Variants in IMMP2L observed in about 807,000 individuals in gnomAD.
IMMP2L encodes mitochondrial inner membrane protease subunit 2.
In IMMP2L, 18 loss-of-function variants were observed where a neutral mutation model predicts 19.3. That is an observed-to-expected ratio of 0.93 (90% CI 0.64 to 1.38). IMMP2L has a LOEUF of 1.38. IMMP2L is among the 40% of genes most tolerant of loss of function. The pLI is 0.00. For missense variants in IMMP2L, 233 were observed against 218.2 expected, an observed-to-expected ratio of 1.07 and a Z score of -0.43; for synonymous variants, 76 against 73.0, an observed-to-expected ratio of 1.04 and a Z score of -0.21.
intron 3 of IMMP2L, among the ~76,000 whole-genome samples, chr7:111,024,153 G>A (rs1356615582): frequency 6.6e-6 from 1 of 151,970 alleles, no homozygotes; most frequent in South Asian, 2.1e-4. Flanking sequence ...AAATTCTTGG[G>A]GCAAAATTTT....
chr7:111,254,946 C>G (rs1283013143), intron 3 of IMMP2L, among the ~76,000 whole-genome samples: 5 of 152,082 alleles, frequency 3.3e-5, no homozygotes, highest in African/African-American at 1.2e-4. Context: ...ATGTAACTCT[C>G]AAATGTAATT....
At chr7:111,166,485 G>C (rs1805833857) in intron 3 of IMMP2L, among the ~76,000 whole-genome samples, 1 of 151,940 alleles carries the variant, frequency 6.6e-6, no homozygotes, top group African/African-American at 2.4e-5. Flanking sequence ...AGGAGCACCT[G>C]GGATTTCAGA....
chr7:111,100,056 G>A (rs1027634795), intron 3 of IMMP2L: 23 of 151,642 alleles, frequency 1.5e-4, no homozygotes, highest in African/African-American at 5.1e-4. Context: ...TTCACTCATT[G>A]GAAAGGTCCT....
intron 5 of IMMP2L, among the ~76,000 whole-genome samples, chr7:110,719,896 T>C (rs1360207135): frequency 6.6e-6 from 1 of 152,236 alleles, no homozygotes; most frequent in Admixed American, 6.5e-5. Flanking sequence ...TCTGTACTTC[T>C]AGCCAAAATA....
intron 3 of IMMP2L, among the ~76,000 whole-genome samples, chr7:111,466,528 C>A (rs370100354): frequency 6.6e-6 from 1 of 152,006 alleles, no homozygotes; most frequent in Non-Finnish European, 1.5e-5. Flanking sequence ...ACCTCAGTTA[C>A]GATAACTATA....
At chr7:111,460,239 T>G (rs1181764760) in intron 3 of IMMP2L, among the ~76,000 whole-genome samples, 1 of 152,098 alleles carries the variant, frequency 6.6e-6, no homozygotes, top group African/African-American at 2.4e-5. Flanking sequence ...ACTTGGGCAC[T>G]CGAATTGAGT....
intron 2 of IMMP2L, among the ~76,000 whole-genome samples, chr7:111,518,375 G>C (rs1846050569): frequency 6.6e-6 from 1 of 152,018 alleles, no homozygotes; most frequent in South Asian, 2.1e-4. Flanking sequence ...CCTTTAATGA[G>C]ATTTAATCTT....
At chr7:110,706,627 T>C (rs1249211287) in intron 5 of IMMP2L, among the ~76,000 whole-genome samples, 3 of 152,206 alleles carry the variant, frequency 2.0e-5, no homozygotes, top group Admixed American at 2.0e-4. Flanking sequence ...CATTTTTTCA[T>C]GCTTGTTGGC....
chr7:111,225,415 T>A (rs188946024), intron 3 of IMMP2L, among the ~76,000 whole-genome samples: 38 of 152,134 alleles, frequency 2.5e-4, no homozygotes, highest in African/African-American at 8.7e-4. Context: ...GGAAGATATA[T>A]AACCCAATGA....
At chr7:111,324,008 G>A (rs1314838204) in intron 3 of IMMP2L, among the ~76,000 whole-genome samples, 1 of 151,998 alleles carries the variant, frequency 6.6e-6, no homozygotes, top group East Asian at 1.9e-4. Flanking sequence ...GTGGGAGTGG[G>A]GAGGGATAGC....
intron 5 of IMMP2L, among the ~76,000 whole-genome samples, chr7:110,700,272 A>C (rs1393682245): frequency 2.6e-5 from 4 of 152,132 alleles, no homozygotes; most frequent in Non-Finnish European, 5.9e-5. Flanking sequence ...CCATTGCCCC[A>C]GTGTTGGTTT....
chr7:111,410,710 CAAAG>C, intron 3 of IMMP2L, among the ~76,000 whole-genome samples: 1 of 151,450 alleles, frequency 6.6e-6, no homozygotes, highest in Middle Eastern at 3.4e-3. Flanking sequence ...AACGAGAAGA[CAAAG>C]AGAACATATT....
At chr7:110,664,186 T>G (rs1264612114) in intron 5 of IMMP2L, among the ~76,000 whole-genome samples, 1 of 151,546 alleles carries the variant, frequency 6.6e-6, no homozygotes, top group Non-Finnish European at 1.5e-5. Flanking sequence ...TCCCGCAGAG[T>G]CATTGGTATC....
intron 3 of IMMP2L, among the ~76,000 whole-genome samples, chr7:111,110,328 T>C (rs1164269049): frequency 6.6e-6 from 1 of 152,186 alleles, no homozygotes; most frequent in Non-Finnish European, 1.5e-5. Flanking sequence ...CTAATATTTT[T>C]CAAGTCCATA....
chr7:111,157,817 T>C (rs1323628075), intron 3 of IMMP2L, among the ~76,000 whole-genome samples: 2 of 152,072 alleles, frequency 1.3e-5, no homozygotes, highest in African/African-American at 4.8e-5. Flanking sequence ...TGTATACCCA[T>C]ATCAAACTAT....
At chr7:111,363,645 C>G (rs116122448) in intron 3 of IMMP2L, among the ~76,000 whole-genome samples, 3,030 of 152,128 alleles carry the variant, frequency 0.02, 109 homozygotes, top group African/African-American at 0.069. Context: ...GTCTTTCCCC[C>G]CTTCAATCCA....
intron 3 of IMMP2L, among the ~76,000 whole-genome samples, chr7:111,178,952 T>C (rs1807390637): frequency 6.6e-6 from 1 of 152,010 alleles, no homozygotes; most frequent in African/African-American, 2.4e-5. Flanking sequence ...TCTAGAATGG[T>C]GACTCCCTTC....
At chr7:111,135,269 G>C (rs1443218087) in intron 3 of IMMP2L, among the ~76,000 whole-genome samples, 6 of 152,076 alleles carry the variant, frequency 3.9e-5, no homozygotes, top group African/African-American at 1.4e-4. Flanking sequence ...TATCTATAAA[G>C]TACTTTTTAA....
chr7:110,975,985 G>A (rs563679978), intron 3 of IMMP2L, among the ~76,000 whole-genome samples: 2 of 152,026 alleles, frequency 1.3e-5, no homozygotes, highest in African/African-American at 2.4e-5. Flanking sequence ...TTTTTTTAAC[G>A]TATGGGCACA....
Sources: gnomAD v4.1 joint callset for allele counts (sites outside exome capture counted in the v4.1 genomes callset) on GRCh38, gnomAD v4.1.1 for gene constraint, MANE v1.5 for transcripts, NCBI Gene and HGNC (gene_info 2026-07-23, HGNC 2026-07-21) for gene names.